Variants in IQCM observed in about 807,000 individuals in gnomAD.
IQCM encodes IQ motif containing M, also known as IQ domain-containing protein M.
Under a neutral mutation model 57.6 loss-of-function variants are expected in IQCM, and 45 were observed. That is an observed-to-expected ratio of 0.78 (90% CI 0.62 to 1.00). The LOEUF (loss-of-function observed/expected upper bound fraction) is 1.00, where lower values mean the gene tolerates loss of function less well. IQCM is among the 50% of genes least tolerant of loss of function. The pLI, the probability that IQCM is intolerant of heterozygous loss-of-function variation, is 0.00. For missense variants in IQCM, 468 were observed against 511.6 expected (o/e 0.91, Z 0.82); for synonymous variants, 148 against 158.9 (o/e 0.93, Z 0.51).
intron 6 of IQCM, among the ~76,000 whole-genome samples, chr4:149,685,283 C>T (rs983283063): frequency 6.6e-6 from 1 of 151,488 alleles, no homozygotes; most frequent in Non-Finnish European, 1.5e-5. Flanking sequence ...GCTATATTAA[C>T]TACTCTTTTA....
intron 10 of IQCM, among the ~76,000 whole-genome samples, chr4:149,558,494 G>A (rs1156622200): frequency 6.6e-6 from 1 of 152,136 alleles, no homozygotes; most frequent in East Asian, 1.9e-4. Flanking sequence ...TAAAATTTCT[G>A]TTTTTAGGGG....
At chr4:149,481,701 G>GTTTTTTT (rs57465501) in intron 12 of IQCM, among the ~76,000 whole-genome samples, 58 of 51,572 alleles carry the variant, frequency 1.1e-3, no homozygotes, top group African/African-American at 2.3e-3. Flanking sequence ...TTCCAGTTTT[G>GTTTTTTT]TTTTTTTTTT....
chr4:149,660,775 C>A (rs1427923265), intron 7 of IQCM, among the ~76,000 whole-genome samples: 1 of 150,760 alleles, frequency 6.6e-6, no homozygotes, highest in Non-Finnish European at 1.5e-5. Flanking sequence ...AGGTGGGAAC[C>A]GAACAATGAG....
At chr4:149,483,944 G>A (rs1320070687) in intron 12 of IQCM, among the ~76,000 whole-genome samples, 9 of 151,870 alleles carry the variant, frequency 5.9e-5, no homozygotes, top group South Asian at 2.1e-4. Flanking sequence ...TATCTATCTG[G>A]GTGCTCCAGT....
intron 13 of IQCM, among the ~76,000 whole-genome samples, chr4:149,420,648 T>G (rs1372596441): frequency 1.3e-5 from 2 of 151,890 alleles, no homozygotes; most frequent in South Asian, 2.1e-4. Context: ...AAAATTAAAA[T>G]TAATTATAAA....
At position 149,519,077 on chromosome 4, in the gene IQCM, C is replaced by T. The variant is rs577519221; in HGVS notation, c.1228+29378G>A. On this transcript the variant is annotated intron_variant, in intron 12 of 13. Coordinates refer to ENST00000636793, the MANE Select transcript of IQCM (RefSeq NM_001363507.2). ...GTTTCTTGTCAAACAGTGCAAGTGA[C>T]CATTTTTCCCAGATATTACTTTTCT... Among the ~76,000 whole-genome samples, 17 of 152,236 alleles carry T rather than the reference C, an allele frequency of 1.1e-4. No homozygotes were observed. In the South Asian group the frequency reaches 3.3e-3, roughly 30 times the overall value.
intron 12 of IQCM, among the ~76,000 whole-genome samples, chr4:149,532,567 T>C (rs1746861325): frequency 6.6e-6 from 1 of 152,042 alleles, no homozygotes. Flanking sequence ...ATCATTTCTT[T>C]TTATCACTAG....
chr4:149,608,202 G>A (rs1754970596), intron 8 of IQCM, among the ~76,000 whole-genome samples: 1 of 151,878 alleles, frequency 6.6e-6, no homozygotes, highest in African/African-American at 2.4e-5. Flanking sequence ...AGACAATACA[G>A]CAAGAGAATA....
intron 12 of IQCM, among the ~76,000 whole-genome samples, chr4:149,476,652 A>G (rs907627793): frequency 1.1e-4 from 17 of 152,168 alleles, no homozygotes; most frequent in African/African-American, 3.9e-4. Context: ...AAAGACATCA[A>G]CCGAAAGGTA....
At chr4:149,675,095 GA>G (rs1390555201) in intron 7 of IQCM, among the ~76,000 whole-genome samples, 2 of 151,992 alleles carry the variant, frequency 1.3e-5, no homozygotes, top group Non-Finnish European at 2.9e-5. Context: ...ATCATGGGAG[GA>G]AAAGAGCTCA....
At chr4:149,795,538 G>A (rs992647621) in intron 2 of IQCM, among the ~76,000 whole-genome samples, 2 of 152,038 alleles carry the variant, frequency 1.3e-5, no homozygotes, top group Non-Finnish European at 2.9e-5. Context: ...TGTTGAACTG[G>A]GCCCAGAGCC....
chr4:149,642,654 GT>G (rs1758294472), intron 7 of IQCM, among the ~76,000 whole-genome samples: 1 of 152,078 alleles, frequency 6.6e-6, no homozygotes, highest in African/African-American at 2.4e-5. Context: ...ATCCTCATTG[GT>G]TTAAAGTACG....
intron 13 of IQCM, among the ~76,000 whole-genome samples, chr4:149,390,001 G>GA (rs561734169): frequency 8.1e-4 from 122 of 150,890 alleles, no homozygotes; most frequent in Non-Finnish European, 1.6e-3. Flanking sequence ...TGAATTTCTA[G>GA]AAAAAAAAAC....
chr4:149,747,714 T>C (rs528233981), intron 2 of IQCM, among the ~76,000 whole-genome samples: 2 of 152,160 alleles, frequency 1.3e-5, no homozygotes, highest in Non-Finnish European at 2.9e-5. Context: ...ACTCTATGAA[T>C]TTATGATTAA....
At chr4:149,787,070 A>T (rs1331545480) in intron 2 of IQCM, among the ~76,000 whole-genome samples, 1 of 152,150 alleles carries the variant, frequency 6.6e-6, no homozygotes, top group Non-Finnish European at 1.5e-5. Flanking sequence ...CAGCAAACTA[A>T]CACAGGAACG....
chr4:149,583,708 A>G (rs1368036732), intron 9 of IQCM, among the ~76,000 whole-genome samples: 1 of 151,638 alleles, frequency 6.6e-6, no homozygotes, highest in African/African-American at 2.4e-5. Flanking sequence ...ATTATGTATA[A>G]AGTATTTTTT....
At chr4:149,370,990 A>G (rs956456589) in intron 13 of IQCM, among the ~76,000 whole-genome samples, 1 of 151,820 alleles carries the variant, frequency 6.6e-6, no homozygotes, top group Non-Finnish European at 1.5e-5. Context: ...TTATATGCGC[A>G]TGACTCTGGA....
intron 9 of IQCM, among the ~76,000 whole-genome samples, chr4:149,575,715 C>T (rs1337685638): frequency 6.6e-6 from 1 of 151,784 alleles, no homozygotes; most frequent in Non-Finnish European, 1.5e-5. Context: ...TTTAAAATCT[C>T]TAAGACAATT....
At chr4:149,687,193 C>A (rs1310617703) in intron 5 of IQCM, among the ~76,000 whole-genome samples, 1 of 151,482 alleles carries the variant, frequency 6.6e-6, no homozygotes. Context: ...AAATTACAGG[C>A]TAGATGGATC....
Sources: allele counts gnomAD v4.1 joint callset (sites outside exome capture counted in the v4.1 genomes callset), GRCh38; gene constraint gnomAD v4.1.1; transcripts MANE v1.5; gene names NCBI Gene and HGNC (gene_info 2026-07-23, HGNC 2026-07-21).